JDP2: variants seen among roughly 807,000 people sequenced by gnomAD.
The protein encoded by JDP2 is progesterone receptor co-activator.
JDP2 carries 9 observed loss-of-function variants against 17.1 expected under a neutral mutation model. The ratio of observed to expected loss-of-function variants is 0.53; its 90% confidence interval spans 0.32 to 0.92. JDP2 has a LOEUF of 0.92. Ranked by LOEUF, JDP2 falls within the 40% of genes least tolerant of loss-of-function variation. The pLI, the probability that JDP2 is intolerant of heterozygous loss-of-function variation, is 0.04. For synonymous variants in JDP2, 107 were observed against 95.6 expected, an observed-to-expected ratio of 1.12 and a Z score of -0.69; for missense variants, 179 against 220.0, an observed-to-expected ratio of 0.81 and a Z score of 1.18.
chr14:75,448,517 C>T (rs902343662), intron 2 of JDP2, among the ~76,000 whole-genome samples: 4 of 152,174 alleles, frequency 2.6e-5, no homozygotes, highest in African/African-American at 9.7e-5. Flanking sequence ...ACACCTATCT[C>T]AAGCTTCCTA....
intron 3 of JDP2, 118 bp from the exon 4 acceptor site, chr14:75,469,172 T>G: frequency 1.1e-6 from 1 of 898,142 alleles, no homozygotes; most frequent in Non-Finnish European, 1.7e-6. Flanking sequence ...TCTGTGCTTC[T>G]TCCTGCAGAA....
At chr14:75,457,592 G>A (rs771208336) in intron 2 of JDP2, among the ~76,000 whole-genome samples, 1 of 152,268 alleles carries the variant, frequency 6.6e-6, no homozygotes, top group African/African-American at 2.4e-5. Flanking sequence ...GCCTCATTGG[G>A]AGATACCAGC....
chr14:75,428,994 T>C lies in JDP2; in HGVS notation c.-24+742T>C, dbSNP rs6574231. ...TAGAAGGCTCTCCTCTGCTCCTCCCTTCAAAGGAGGTTGTCGAGGGGTAGG... is the reference window on the plus strand; with the variant it reads ...TAGAAGGCTCTCCTCTGCTCCTCCCCTCAAAGGAGGTTGTCGAGGGGTAGG... On this transcript the variant is annotated intron_variant, in intron 1 of 3. Coordinates refer to ENST00000651602, the MANE Select transcript of JDP2 (RefSeq NM_001135048.2). This position sits in a 1 kb window ranked among gnomAD's most constrained non-coding sequence, Gnocchi z 5.6. Among the ~76,000 whole-genome samples the C allele has an allele frequency of 0.59, 90,154 of 151,538 alleles. 27,986 individuals are homozygous for C. Among genetic ancestry groups the C allele is most frequent in the African/African-American group, 0.79 (32,682 of 41,322 alleles).
intron 3 of JDP2, 106 bp downstream of exon 3, chr14:75,461,636 C>T (rs1157844033): frequency 8.2e-6 from 7 of 853,382 alleles, no homozygotes; most frequent in Non-Finnish European, 1.3e-5. Flanking sequence ...TGAGCATCTG[C>T]TGGCAGCTGC....
intron 1 of JDP2, chr14:75,432,069 C>T: frequency 1.8e-6 from 1 of 566,972 alleles, no homozygotes. Context: ...CTCAGGTGAT[C>T]TGGCTCCAAA....
Position 75,444,978 on chromosome 14 carries a change from C to G in JDP2, c.201+6857C>G, listed in dbSNP as rs143588245. The G allele has an allele frequency of 4.2e-4, 159 of 376,994 alleles. No individual in the cohort carries two copies. The East Asian group carries it at 4.3e-3, about 10-fold the overall frequency. 23.4% of individuals were successfully genotyped at this position (376,994 alleles called of 1,614,324 possible). ...CTTCTGTGACCCCTTATCTTGTTTC[C>G]TGTGGTGTTAATGTCATCGTTGTAT... On this transcript the variant is annotated intron_variant, in intron 2 of 3. Coordinates refer to ENST00000651602, the MANE Select transcript of JDP2 (RefSeq NM_001135048.2).
In JDP2 at chr14:75,446,521, GAA is replaced by G. The variant is rs367657531; in HGVS notation, c.201+8402_201+8403del. On this transcript the variant is annotated intron_variant, in intron 2 of 3. Transcript: ENST00000651602. Reference sequence around the variant, plus strand: ...CATGCTGTAATATGGATGAACCTTGGAAACATTATGCTGGGTAAAAGAAGCCA... The same window carrying G: ...CATGCTGTAATATGGATGAACCTTGGACATTATGCTGGGTAAAAGAAGCCA... Among the ~76,000 whole-genome samples, 432 of 152,324 alleles carry G rather than the reference GAA, an allele frequency of 2.8e-3. 1 individual carries two copies. The highest frequency in any genetic ancestry group is 9.8e-3 in the African/African-American group (407 of 41,554).
intron 2 of JDP2, among the ~76,000 whole-genome samples, chr14:75,454,725 G>A (rs1462435078): frequency 1.3e-5 from 2 of 152,132 alleles, no homozygotes; most frequent in Admixed American, 1.3e-4. Context: ...CAGTAAAGAC[G>A]TCAAGAAGGA....
intron 2 of JDP2, among the ~76,000 whole-genome samples, chr14:75,453,989 T>C (rs1326150944): frequency 1.3e-5 from 2 of 152,246 alleles, no homozygotes; most frequent in African/African-American, 4.8e-5. Context: ...ATGTAATTTC[T>C]CTTTCTCATT....
intron 1 of JDP2, chr14:75,432,227 G>A (rs1335740871): frequency 8.0e-7 from 1 of 1,249,658 alleles, no homozygotes; most frequent in African/African-American, 1.5e-5. Flanking sequence ...TCGACTTTTG[G>A]AAGCCGCGTG....
intron 3 of JDP2, among the ~76,000 whole-genome samples, chr14:75,464,669 C>T (rs1279481050): frequency 3.3e-5 from 5 of 152,156 alleles, no homozygotes; most frequent in South Asian, 2.1e-4. Context: ...AAAAAGCCAC[C>T]GTCCCACCCT....
intron 2 of JDP2, among the ~76,000 whole-genome samples, chr14:75,443,150 G>C (rs1188209551): frequency 6.6e-6 from 1 of 152,106 alleles, no homozygotes; most frequent in African/African-American, 2.4e-5. Context: ...GGACCAGAGA[G>C]CGGCCTTGGA....
intron 2 of JDP2, among the ~76,000 whole-genome samples, chr14:75,453,339 C>A (rs1885955333): frequency 6.6e-6 from 1 of 152,192 alleles, no homozygotes; most frequent in African/African-American, 2.4e-5. Flanking sequence ...GCCTGGCTGG[C>A]TGTGTGAGGC....
rs1886831482 is a variant in JDP2 at position 75,472,316 on chromosome 14, A to T, written c.*2841A>T. On this transcript the variant is annotated 3_prime_UTR_variant, in exon 4 of 4. Coordinates refer to ENST00000651602, the MANE Select transcript of JDP2 (RefSeq NM_001135048.2). ...ACAGGTGTTAGGTGGCAGAGCCAAG[A>T]TGTTATTGTCAGTCTGACTTCAGGT... 2 of 152,222 alleles carry T rather than the reference A, an allele frequency of 1.3e-5. No individual in the cohort carries two copies. The highest frequency in any genetic ancestry group is 4.1e-4 in the South Asian group (2 of 4,836). The allele number at this position is 152,222 out of a possible 1,614,324, so 9.4% of individuals were successfully genotyped here. A position where few individuals can be genotyped will look rare whatever the true frequency, so the allele number is the denominator to read the frequency against.
chr14:75,466,506 T>G (rs981968667), intron 3 of JDP2, among the ~76,000 whole-genome samples: 2 of 152,224 alleles, frequency 1.3e-5, no homozygotes, highest in Non-Finnish European at 2.9e-5. Flanking sequence ...TATTCAATGA[T>G]GTACCCTAAC....
intron 2 of JDP2, among the ~76,000 whole-genome samples, chr14:75,449,297 T>C (rs1885745562): frequency 6.6e-6 from 1 of 152,240 alleles, no homozygotes; most frequent in Non-Finnish European, 1.5e-5. Flanking sequence ...TCTCCTACTT[T>C]GGCCAGCTTG....
At chr14:75,442,129 A>C (rs1452239198) in intron 2 of JDP2, among the ~76,000 whole-genome samples, 1 of 152,202 alleles carries the variant, frequency 6.6e-6, no homozygotes. Context: ...GTTAAGGGGC[A>C]GGAGTCGGCC....
intron 1 of JDP2, among the ~76,000 whole-genome samples, chr14:75,429,830 G>T (rs1223061572): frequency 1.3e-5 from 2 of 152,214 alleles, no homozygotes; most frequent in Admixed American, 1.3e-4. Flanking sequence ...GTTCAGAGCT[G>T]CAGGCAGCTC....
At chr14:75,444,794 A>G (rs898858534) in intron 2 of JDP2, among the ~76,000 whole-genome samples, 1 of 152,140 alleles carries the variant, frequency 6.6e-6, no homozygotes, top group Admixed American at 6.5e-5. Context: ...GACAGCACTA[A>G]CCTTTCTGAA....
Sources: allele counts gnomAD v4.1 joint callset (sites outside exome capture counted in the v4.1 genomes callset), GRCh38; gene constraint gnomAD v4.1.1; non-coding constraint Gnocchi (gnomAD v3.1); transcripts MANE v1.5; gene names NCBI Gene and HGNC (gene_info 2026-07-23, HGNC 2026-07-21).